Variants in ACBD6 observed in about 807,000 individuals in gnomAD.
ACBD6 encodes the protein acyl-CoA-binding domain-containing protein 6.
In ACBD6, 28 loss-of-function variants were observed where a neutral mutation model predicts 37.2. The observed-to-expected ratio is 0.75, with a 90% CI of 0.56 to 1.03. ACBD6 has a LOEUF of 1.03. Ranked by LOEUF, ACBD6 falls within the 50% of genes least tolerant of loss-of-function variation. The pLI, the probability that ACBD6 is intolerant of heterozygous loss-of-function variation, is 0.00. For missense variants in ACBD6, 340 were observed against 337.4 expected, an observed-to-expected ratio of 1.01 and a Z score of -0.06; for synonymous variants, 113 against 126.8, an observed-to-expected ratio of 0.89 and a Z score of 0.73.
chr1:180,460,654 G>A (rs1270794213), intron 3 of ACBD6, among the ~76,000 whole-genome samples: 1 of 152,194 alleles, frequency 6.6e-6, no homozygotes, highest in Non-Finnish European at 1.5e-5. Context: ...ACTACGGACT[G>A]GAGTGGATAC....
chr1:180,439,693 C>T, intron 3 of ACBD6, among the ~76,000 whole-genome samples: 1 of 152,092 alleles, frequency 6.6e-6, no homozygotes, highest in East Asian at 1.9e-4. Context: ...AGTTTATGGC[C>T]CAAGCATCTT....
chr1:180,410,945 T>C (rs1382152126), intron 5 of ACBD6, among the ~76,000 whole-genome samples: 1 of 152,180 alleles, frequency 6.6e-6, no homozygotes, highest in Non-Finnish European at 1.5e-5. Context: ...CCAGATGCCA[T>C]TAAGAACATG....
chr1:180,426,744 C>T (rs567625436), intron 4 of ACBD6, among the ~76,000 whole-genome samples: 2 of 152,308 alleles, frequency 1.3e-5, no homozygotes, highest in East Asian at 3.9e-4. Context: ...TACACAGTAA[C>T]TTATTTTGCA....
chr1:180,428,204 T>C (rs1648671700), intron 4 of ACBD6, among the ~76,000 whole-genome samples: 1 of 152,120 alleles, frequency 6.6e-6, no homozygotes, highest in East Asian at 1.9e-4. Context: ...GAAGACTTCA[T>C]GAAAAAAAGG....
chr1:180,335,991 G>A (rs896093719), intron 6 of ACBD6, among the ~76,000 whole-genome samples: 18 of 151,708 alleles, frequency 1.2e-4, no homozygotes, highest in Non-Finnish European at 2.2e-4. Context: ...ACCCAATACA[G>A]GAGCACCCAG....
At chr1:180,316,901 A>G (rs2764437) in intron 6 of ACBD6, among the ~76,000 whole-genome samples, 6,885 of 152,256 alleles carry the variant, frequency 0.045, 223 homozygotes, top group South Asian at 0.059. Context: ...AACAATCAAA[A>G]CAGAGTGAGA....
At chr1:180,278,168 C>G (rs910186157) in intron 9 of ACBD6, 5 of 152,200 alleles carry the variant, frequency 3.3e-5, no homozygotes, top group African/African-American at 4.8e-5. Context: ...ACCTCCCCAG[C>G]CAGCAGGGTC....
intron 3 of ACBD6, among the ~76,000 whole-genome samples, chr1:180,434,251 G>T (rs1648930711): frequency 2.0e-5 from 3 of 152,102 alleles, no homozygotes; most frequent in Admixed American, 6.5e-5. Context: ...GTATCAATAA[G>T]ATATCAAATT....
intron 7 of ACBD6, among the ~76,000 whole-genome samples, chr1:180,298,596 G>A (rs1650008459): frequency 6.6e-6 from 1 of 152,136 alleles, no homozygotes; most frequent in Non-Finnish European, 1.5e-5. Context: ...CACATCTAGG[G>A]AACTCTAGTC....
intron 4 of ACBD6, among the ~76,000 whole-genome samples, chr1:180,416,154 G>C (rs1232328130): frequency 6.6e-6 from 1 of 152,036 alleles, no homozygotes; most frequent in Admixed American, 6.6e-5. Flanking sequence ...ACCAAATTTT[G>C]AGTATCTTAC....
At chr1:180,448,949 TAAGG>T (rs1378837936) in intron 3 of ACBD6, among the ~76,000 whole-genome samples, 1 of 152,214 alleles carries the variant, frequency 6.6e-6, no homozygotes, top group African/African-American at 2.4e-5. Flanking sequence ...GTTATTCTGT[TAAGG>T]AAGGAGGACT....
chr1:180,290,528 G>GT (rs1649662178), intron 7 of ACBD6, among the ~76,000 whole-genome samples: 1 of 152,168 alleles, frequency 6.6e-6, no homozygotes, highest in South Asian at 2.1e-4. Context: ...AGGAATACAG[G>GT]TAAGATTCCT....
At chr1:180,347,578 A>G (rs1172427526) in intron 6 of ACBD6, among the ~76,000 whole-genome samples, 3 of 152,108 alleles carry the variant, frequency 2.0e-5, no homozygotes, top group African/African-American at 7.2e-5. Context: ...GCTGGTAGAA[A>G]GATCTTTTCA....
intron 3 of ACBD6, among the ~76,000 whole-genome samples, chr1:180,464,394 C>A (rs1163523569): frequency 6.6e-6 from 1 of 152,010 alleles, no homozygotes; most frequent in Non-Finnish European, 1.5e-5. Flanking sequence ...TACACCACCA[C>A]CAACAAAATG....
At chr1:180,458,505 T>C (rs1650008178) in intron 3 of ACBD6, among the ~76,000 whole-genome samples, 2 of 152,088 alleles carry the variant, frequency 1.3e-5, no homozygotes, top group Admixed American at 6.5e-5. Flanking sequence ...TATTAAAACA[T>C]TTGCCATAAA....
chr1:180,302,116 C>T (rs999498229), intron 7 of ACBD6, among the ~76,000 whole-genome samples: 4 of 151,880 alleles, frequency 2.6e-5, no homozygotes, highest in African/African-American at 9.7e-5. Flanking sequence ...AGCACACAAA[C>T]ATGGCACATG....
intron 6 of ACBD6, among the ~76,000 whole-genome samples, chr1:180,359,013 A>AT (rs1259024049): frequency 6.6e-6 from 1 of 152,224 alleles, no homozygotes; most frequent in Non-Finnish European, 1.5e-5. Flanking sequence ...TTTGCTGAGG[A>AT]TAAAAAAAAG....
At chr1:180,331,174 T>C (rs1370528980) in intron 6 of ACBD6, among the ~76,000 whole-genome samples, 2 of 152,162 alleles carry the variant, frequency 1.3e-5, no homozygotes, top group African/African-American at 2.4e-5. Flanking sequence ...ACACAAGGGG[T>C]ATGCCAATTA....
intron 6 of ACBD6, among the ~76,000 whole-genome samples, chr1:180,384,157 T>G (rs912885384): frequency 6.8e-6 from 1 of 146,796 alleles, no homozygotes; most frequent in African/African-American, 2.5e-5. Context: ...CAAAAATAGC[T>G]AAATGAGACT....
Sources: allele counts gnomAD v4.1 joint callset (sites outside exome capture counted in the v4.1 genomes callset), GRCh38; gene constraint gnomAD v4.1.1; transcripts MANE v1.5; gene names NCBI Gene and HGNC (gene_info 2026-07-23, HGNC 2026-07-21).